RABGEF1: variants seen among roughly 807,000 people sequenced by gnomAD.
The protein encoded by RABGEF1 is RAB guanine nucleotide exchange factor 1, also known as rab5 GDP/GTP exchange factor.
A neutral mutation model predicts 57.3 loss-of-function variants in RABGEF1; 26 were observed. The ratio of observed to expected loss-of-function variants is 0.45; its 90% confidence interval spans 0.33 to 0.63. RABGEF1 has a LOEUF of 0.63. RABGEF1 is among the 20% of genes least tolerant of loss of function. RABGEF1 has a pLI of 0.02. For missense variants in RABGEF1, 464 were observed against 607.6 expected (o/e 0.76, Z 2.48); for synonymous variants, 185 against 210.7 (o/e 0.88, Z 1.06).
chr7:66,674,671 CAT>C, the RABGEF1 span, among the ~76,000 whole-genome samples: 4 of 152,032 alleles, frequency 2.6e-5, no homozygotes, highest in Non-Finnish European at 5.9e-5. Flanking sequence ...ATTTCAAAAA[CAT>C]GTTGAAGGAA....
the RABGEF1 span, among the ~76,000 whole-genome samples, chr7:66,674,466 G>A: frequency 1.6e-4 from 25 of 152,068 alleles, no homozygotes; most frequent in African/African-American, 4.6e-4. Context: ...GGGATCACAG[G>A]TGTGAGCCAC....
intron 4 of RABGEF1, among the ~76,000 whole-genome samples, chr7:66,789,539 C>T (rs1314992323): frequency 1.3e-5 from 2 of 151,726 alleles, no homozygotes; most frequent in South Asian, 4.2e-4. Flanking sequence ...AAAAATTAGC[C>T]AGGTGTGGTG....
intron 2 of RABGEF1, among the ~76,000 whole-genome samples, chr7:66,718,221 T>G (rs1374967204): frequency 6.6e-6 from 1 of 152,150 alleles, no homozygotes; most frequent in African/African-American, 2.4e-5. Context: ...GGTGCACATC[T>G]GTAATCCCAG....
intron 1 of RABGEF1, among the ~76,000 whole-genome samples, chr7:66,757,452 A>G (rs1803029839): frequency 6.6e-6 from 1 of 152,198 alleles, no homozygotes; most frequent in African/African-American, 2.4e-5. Flanking sequence ...CATATTACAC[A>G]CTAAGCTCCG....
intron 1 of RABGEF1, among the ~76,000 whole-genome samples, chr7:66,700,841 G>T (rs922987672): frequency 1.3e-5 from 2 of 152,240 alleles, no homozygotes; most frequent in Admixed American, 1.3e-4. Flanking sequence ...AAAGGCCCCA[G>T]CGGCCCAGGC....
intron 2 of RABGEF1, among the ~76,000 whole-genome samples, chr7:66,714,482 C>G (rs1245426008): frequency 6.6e-6 from 1 of 151,816 alleles, no homozygotes; most frequent in Non-Finnish European, 1.5e-5. Flanking sequence ...TGTTATTTGG[C>G]TAGAGGTTTG....
upstream of RABGEF1, among the ~76,000 whole-genome samples, chr7:66,680,857 G>T (rs550489301): frequency 4.2e-3 from 632 of 152,222 alleles, 6 homozygotes; most frequent in Non-Finnish European, 6.5e-3. Flanking sequence ...CAAGGCGGGC[G>T]GATCACTTGA....
At chr7:66,660,355 A>T in the RABGEF1 span, among the ~76,000 whole-genome samples, 1 of 151,506 alleles carries the variant, frequency 6.6e-6, no homozygotes, top group African/African-American at 2.4e-5. Flanking sequence ...CTCAAAAAAA[A>T]AAAAAAGAAA....
intron 1 of RABGEF1, among the ~76,000 whole-genome samples, chr7:66,763,987 T>C (rs1306436735): frequency 1.3e-5 from 2 of 152,236 alleles, no homozygotes; most frequent in African/African-American, 4.8e-5. Flanking sequence ...TTATTTCTCT[T>C]AGTCTAGGAG....
At chr7:66,781,987 T>C (rs1388834614) in intron 3 of RABGEF1, among the ~76,000 whole-genome samples, 3 of 152,188 alleles carry the variant, frequency 2.0e-5, no homozygotes. Context: ...GTTCATATTT[T>C]TGTCTGACCT....
intron 1 of RABGEF1, among the ~76,000 whole-genome samples, chr7:66,746,074 G>C (rs1316358243): frequency 6.6e-6 from 1 of 152,190 alleles, no homozygotes; most frequent in Non-Finnish European, 1.5e-5. Context: ...TGGCTGAAGT[G>C]AGTTTAAATG....
upstream of RABGEF1, among the ~76,000 whole-genome samples, chr7:66,739,247 G>A (rs1798436357): frequency 6.6e-6 from 1 of 151,862 alleles, no homozygotes; most frequent in Non-Finnish European, 1.5e-5. Flanking sequence ...ACTGCGCCTG[G>A]CCTTACTTTT....
the RABGEF1 span, among the ~76,000 whole-genome samples, chr7:66,665,763 G>T: frequency 6.6e-6 from 1 of 152,198 alleles, no homozygotes. Flanking sequence ...TTGGGGGGTG[G>T]CCTGGTCCCT....
intron 1 of RABGEF1, among the ~76,000 whole-genome samples, chr7:66,685,969 A>G (rs1215701742): frequency 1.3e-5 from 2 of 152,102 alleles, no homozygotes; most frequent in African/African-American, 4.8e-5. Flanking sequence ...GTGGCTTCTT[A>G]GCCCATCAGT....
chr7:66,730,090 C>T (rs1456384205), intron 2 of RABGEF1, among the ~76,000 whole-genome samples: 1 of 152,240 alleles, frequency 6.6e-6, no homozygotes, highest in African/African-American at 2.4e-5. Context: ...GTCACTGCCT[C>T]CTCTTCAGGC....
At chr7:66,754,745 G>A (rs765580340) in intron 1 of RABGEF1, among the ~76,000 whole-genome samples, 2 of 152,162 alleles carry the variant, frequency 1.3e-5, no homozygotes, top group Non-Finnish European at 2.9e-5. Flanking sequence ...TACATTTCAC[G>A]TCTAGGCATT....
At chr7:66,659,761 AGAGT>A in the RABGEF1 span, among the ~76,000 whole-genome samples, 345 of 152,002 alleles carry the variant, frequency 2.3e-3, 2 homozygotes, top group African/African-American at 8.1e-3. Context: ...CCTGCACGAC[AGAGT>A]GAGACTCCAT....
At chr7:66,738,701 C>T (rs1258523745), upstream of RABGEF1, among the ~76,000 whole-genome samples, 1 of 144,406 alleles carries the variant, frequency 6.9e-6, no homozygotes, top group Admixed American at 7.2e-5. Flanking sequence ...CACTGTGCTC[C>T]AGCCTGGGCA....
At chr7:66,729,140 T>G (rs944197218) in intron 2 of RABGEF1, among the ~76,000 whole-genome samples, 1 of 151,816 alleles carries the variant, frequency 6.6e-6, no homozygotes, top group South Asian at 2.1e-4. Flanking sequence ...TTAGTAGATA[T>G]GGGGTTTCAC....
Sources: gnomAD v4.1 joint callset for allele counts (sites outside exome capture counted in the v4.1 genomes callset) on GRCh38, gnomAD v4.1.1 for gene constraint, MANE v1.5 for transcripts, NCBI Gene and HGNC (gene_info 2026-07-23, HGNC 2026-07-21) for gene names.